Variants in PDE1C observed in about 807,000 individuals in gnomAD.
The protein encoded by PDE1C is dual specificity calcium/calmodulin-dependent 3',5'-cyclic nucleotide phosphodiesterase 1C.
In PDE1C, 62 loss-of-function variants were observed where a neutral mutation model predicts 93.1. The ratio of observed to expected loss-of-function variants is 0.67; its 90% CI spans 0.54 to 0.82. The LOEUF (loss-of-function observed/expected upper bound fraction) is 0.82, where lower values mean the gene tolerates loss of function less well. PDE1C is among the 40% of genes least tolerant of loss of function. The pLI is 0.00. For missense variants in PDE1C, 742 were observed against 884.6 expected (o/e 0.84, Z 2.04); for synonymous variants, 325 against 310.1 (o/e 1.05, Z -0.50).
At chr7:32,010,782 T>C (rs1786975883) in intron 2 of PDE1C, among the ~76,000 whole-genome samples, 1 of 152,168 alleles carries the variant, frequency 6.6e-6, no homozygotes, top group Non-Finnish European at 1.5e-5. Flanking sequence ...CCCTGGGTCT[T>C]CACATCAGTC....
At chr7:31,631,484 T>C in the PDE1C span, among the ~76,000 whole-genome samples, 9 of 152,248 alleles carry the variant, frequency 5.9e-5, no homozygotes. Flanking sequence ...TGATCTTTAT[T>C]TTTTATTTAT....
chr7:31,697,895 C>T, the PDE1C span, among the ~76,000 whole-genome samples: 3 of 152,166 alleles, frequency 2.0e-5, no homozygotes, highest in Admixed American at 2.0e-4. Context: ...ATTTAATTAA[C>T]TTACTCATCT....
At chr7:31,732,593 G>T in the PDE1C span, among the ~76,000 whole-genome samples, 4 of 149,448 alleles carry the variant, frequency 2.7e-5, no homozygotes, top group East Asian at 7.9e-4. Flanking sequence ...AATCACATAG[G>T]CCAATTCCTT....
chr7:31,671,293 G>T, the PDE1C span, among the ~76,000 whole-genome samples: 19 of 152,150 alleles, frequency 1.2e-4, no homozygotes, highest in Non-Finnish European at 2.5e-4. Flanking sequence ...GGCCAGCATG[G>T]ATTCGTTCCT....
At chr7:32,397,753 C>T (rs976162180) in intron 1 of PDE1C, among the ~76,000 whole-genome samples, 1 of 152,070 alleles carries the variant, frequency 6.6e-6, no homozygotes, top group Admixed American at 6.5e-5. Context: ...CGGTGGCTCA[C>T]GCCTGTAATC....
At chr7:31,723,617 C>T in the PDE1C span, among the ~76,000 whole-genome samples, 112 of 152,288 alleles carry the variant, frequency 7.4e-4, no homozygotes, top group East Asian at 1.2e-3. Flanking sequence ...GCAGTCAGGT[C>T]CTTCCACACC....
the PDE1C span, among the ~76,000 whole-genome samples, chr7:31,721,293 A>G: frequency 6.6e-6 from 1 of 152,230 alleles, no homozygotes; most frequent in Non-Finnish European, 1.5e-5. Flanking sequence ...ACATTCAATT[A>G]TTTGGAGCAG....
chr7:32,272,927 G>A (rs1417626567), intron 1 of PDE1C, among the ~76,000 whole-genome samples: 1 of 152,088 alleles, frequency 6.6e-6, no homozygotes, highest in Admixed American at 6.6e-5. Context: ...AAAAGAAATG[G>A]GTCTATACTA....
At chr7:31,785,239 C>T (rs1783802592) in intron 16 of PDE1C, 1 of 152,210 alleles carries the variant, frequency 6.6e-6, no homozygotes, top group Non-Finnish European at 1.5e-5. Context: ...CCAGCATTCA[C>T]CCCACAAAGG....
intron 1 of PDE1C, among the ~76,000 whole-genome samples, chr7:32,212,358 G>A (rs892898008): frequency 3.3e-5 from 5 of 152,128 alleles, no homozygotes; most frequent in Non-Finnish European, 5.9e-5. Context: ...TCCAAGTCAC[G>A]CCAGGAAAGG....
intron 13 of PDE1C, 32 bp from the exon 14 acceptor site, chr7:31,823,280 G>C: frequency 6.3e-7 from 1 of 1,578,356 alleles, no homozygotes; most frequent in Non-Finnish European, 8.6e-7. Context: ...CCAAAGAAGA[G>C]AGTTAGTGTT....
At chr7:32,210,771 A>G (rs533929356) in intron 1 of PDE1C, among the ~76,000 whole-genome samples, 7 of 152,326 alleles carry the variant, frequency 4.6e-5, no homozygotes, top group African/African-American at 1.4e-4. Context: ...ACATCTTAGT[A>G]TCTTTTGTTT....
chr7:32,029,770 C>T (rs1790036604), intron 2 of PDE1C, among the ~76,000 whole-genome samples: 1 of 152,042 alleles, frequency 6.6e-6, no homozygotes, highest in African/African-American at 2.4e-5. Flanking sequence ...AGGCAATGAA[C>T]ATTGATTACA....
intron 1 of PDE1C, among the ~76,000 whole-genome samples, chr7:32,225,754 G>T (rs1189439605): frequency 6.6e-6 from 1 of 152,158 alleles, no homozygotes; most frequent in Non-Finnish European, 1.5e-5. Flanking sequence ...TGTCAGCAAA[G>T]CTGTGTTATG....
At chr7:32,347,074 T>C (rs1005678961) in intron 1 of PDE1C, among the ~76,000 whole-genome samples, 4 of 152,182 alleles carry the variant, frequency 2.6e-5, no homozygotes, top group African/African-American at 4.8e-5. Flanking sequence ...AATTTTATGG[T>C]TGTAAATTAC....
intron 1 of PDE1C, among the ~76,000 whole-genome samples, chr7:32,274,230 C>T (rs868607647): frequency 3.4e-5 from 5 of 146,754 alleles, no homozygotes; most frequent in Middle Eastern, 3.5e-3. Flanking sequence ...TTTTTTGAGA[C>T]GGGCTCTTGC....
rs1794089234 is a variant in PDE1C at position 32,056,364 on chromosome 7, C to T, written c.102-4784G>A. ...TCTCTCTCTCTCTCTCTCTCTCTCA[C>T]TGAAACACACACACACACACACACA... On this transcript the variant is annotated intron_variant, in intron 1 of 17. Transcript: ENST00000396191. Among the ~76,000 whole-genome samples the T allele has an allele frequency of 3.4e-5, 4 of 117,520 alleles. No individual in the cohort carries two copies. The South Asian group carries it at 1.2e-3, about 35-fold the overall frequency. The allele number at this position is 117,520 out of a possible 152,430, so 77.1% of individuals were successfully genotyped here. A position where few individuals can be genotyped will look rare whatever the true frequency, so the allele number is the denominator to read the frequency against.
At chr7:31,997,522 C>T (rs1412921137) in intron 2 of PDE1C, among the ~76,000 whole-genome samples, 2 of 152,166 alleles carry the variant, frequency 1.3e-5, no homozygotes, top group Non-Finnish European at 2.9e-5. Flanking sequence ...AACAATAGAG[C>T]TTGGAGAACC....
chr7:31,777,309 T>C (rs1783065336), intron 16 of PDE1C, among the ~76,000 whole-genome samples: 1 of 151,954 alleles, frequency 6.6e-6, no homozygotes, highest in South Asian at 2.1e-4. Flanking sequence ...TTGGATGACG[T>C]TTGATATCGT....
Sources: gnomAD v4.1 joint callset for allele counts (sites outside exome capture counted in the v4.1 genomes callset) on GRCh38, gnomAD v4.1.1 for gene constraint, MANE v1.5 for transcripts, NCBI Gene and HGNC (gene_info 2026-07-23, HGNC 2026-07-21) for gene names.